Variants in GRID2 observed in about 807,000 individuals in gnomAD.
GRID2 encodes the protein glutamate ionotropic receptor delta type subunit 2, also known as glutamate receptor ionotropic, delta-2.
A neutral mutation model predicts 114.8 loss-of-function variants in GRID2; 33 were observed. That is an observed-to-expected ratio of 0.29 (90% confidence interval 0.22 to 0.38). The LOEUF is 0.38. Among genes scored for constraint, GRID2 ranks in the 10% least tolerant of loss-of-function variants. The probability of loss-of-function intolerance (pLI) is 1.00; values close to 1 mark genes in which losing one functional copy is unlikely to be tolerated. For missense variants in GRID2, 1,184 were observed against 1,257.7 expected, an observed-to-expected ratio of 0.94 and a Z score of 0.89; for synonymous variants, 505 against 449.9, an observed-to-expected ratio of 1.12 and a Z score of -1.55.
chr4:93,801,339 G>A (rs986097487), intron 1 of GRID2, among the ~76,000 whole-genome samples: 14 of 151,904 alleles, frequency 9.2e-5, no homozygotes, highest in African/African-American at 3.4e-4. Context: ...AAAGTTTTAA[G>A]GTGAATAAGT....
intron 2 of GRID2, among the ~76,000 whole-genome samples, chr4:92,698,164 A>G (rs1329699624): frequency 6.6e-6 from 1 of 152,106 alleles, no homozygotes; most frequent in Non-Finnish European, 1.5e-5. Flanking sequence ...GCTGCCTAAG[A>G]TCCTTGGCTT....
chr4:92,374,873 G>T (rs1729282492), intron 1 of GRID2, among the ~76,000 whole-genome samples: 1 of 152,054 alleles, frequency 6.6e-6, no homozygotes, highest in Non-Finnish European at 1.5e-5. Context: ...GATGAAACGT[G>T]GTAGGTTCAG....
In GRID2 at chr4:93,772,233, G is replaced by A; in HGVS notation, c.2759G>A (p.Ser920Asn). ...LPTRQALEQISDFRNTHITTT... is the reference protein window; with the variant it reads ...LPTRQALEQINDFRNTHITTT... Reference sequence around the variant, plus strand: ...ACACGACAAGCACTGGAGCAAATCAGTGATTTCAGGAACACTCATATTACC... The same window carrying A: ...ACACGACAAGCACTGGAGCAAATCAATGATTTCAGGAACACTCATATTACC... Residue 920 changes from serine to asparagine, a missense_variant, in exon 16 of 16, where the codon AGT (serine) becomes AAT (asparagine). By Grantham distance (46) the Ser-to-Asn change is conservative. This residue lies in a region of GRID2 where 717 missense variants were observed against 796.9 expected (regional missense o/e 0.90). Coordinates refer to ENST00000282020, the MANE Select transcript of GRID2 (RefSeq NM_001510.4). The A allele has an allele frequency of 6.2e-7, 1 of 1,614,092 alleles. No individual in the cohort carries two copies.
chr4:92,440,012 A>G lies in GRID2; in HGVS notation c.88+135268A>G, dbSNP rs981108900. On this transcript the variant is annotated intron_variant, in intron 1 of 15. Coordinates refer to ENST00000282020, the MANE Select transcript of GRID2 (RefSeq NM_001510.4). ...GCACAGTCTAAGTTGGTCTGGTGTC[A>G]AATGAGACTGGGGCCTAATAAAAAG... Among the ~76,000 whole-genome samples, 480 of 144,718 alleles carry G rather than the reference A, an allele frequency of 3.3e-3. 12 individuals carry two copies. Among genetic ancestry groups the G allele is most frequent in the African/African-American group, 0.011 (441 of 40,686 alleles). 94.9% of individuals were successfully genotyped at this position (144,718 alleles called of 152,430 possible). A position where few individuals can be genotyped will look rare whatever the true frequency, so the allele number is the denominator to read the frequency against.
At chr4:93,049,621 T>C (rs1470539462) in intron 2 of GRID2, among the ~76,000 whole-genome samples, 2 of 151,928 alleles carry the variant, frequency 1.3e-5, no homozygotes, top group Non-Finnish European at 2.9e-5. Context: ...TATTGCTATT[T>C]TAAGAAAACA....
chr4:93,417,014 A>G (rs1767782595), intron 9 of GRID2, among the ~76,000 whole-genome samples: 1 of 152,102 alleles, frequency 6.6e-6, no homozygotes, highest in Non-Finnish European at 1.5e-5. Flanking sequence ...ATTTGTTTTC[A>G]TTTAATAGGC....
intron 2 of GRID2, among the ~76,000 whole-genome samples, chr4:92,654,960 C>T (rs1732154655): frequency 1.3e-5 from 2 of 152,022 alleles, no homozygotes; most frequent in East Asian, 1.9e-4. Flanking sequence ...AAAATCTTTG[C>T]TTAGCCTGAT....
intron 1 of GRID2, among the ~76,000 whole-genome samples, chr4:92,319,357 A>G (rs995552103): frequency 2.6e-5 from 4 of 152,236 alleles, no homozygotes; most frequent in African/African-American, 4.8e-5. Flanking sequence ...CTTGCAGCCA[A>G]TTGAGCTTCA....
At chr4:93,734,272 A>C (rs1044074981) in intron 14 of GRID2, among the ~76,000 whole-genome samples, 2 of 152,132 alleles carry the variant, frequency 1.3e-5, no homozygotes, top group East Asian at 3.9e-4. Flanking sequence ...CATCATTCCT[A>C]ATTCTCACTC....
At chr4:92,475,319 C>T (rs2149099365) in intron 1 of GRID2, among the ~76,000 whole-genome samples, 1 of 151,368 alleles carries the variant, frequency 6.6e-6, no homozygotes, top group South Asian at 2.1e-4. Flanking sequence ...TACATTTAAT[C>T]TTTAATCCAT....
At chr4:92,586,717 T>C (rs561896536) in intron 1 of GRID2, among the ~76,000 whole-genome samples, 6 of 151,952 alleles carry the variant, frequency 3.9e-5, no homozygotes, top group Non-Finnish European at 8.8e-5. Context: ...TAGAACTTTG[T>C]CTAAATTTGG....
intron 13 of GRID2, among the ~76,000 whole-genome samples, chr4:93,524,293 T>C (rs1286478210): frequency 1.3e-5 from 2 of 152,088 alleles, no homozygotes; most frequent in East Asian, 3.9e-4. Context: ...TGCCAAATGA[T>C]TCCAACAAAT....
chr4:93,412,154 G>A (rs1259167393), intron 9 of GRID2, among the ~76,000 whole-genome samples: 3 of 151,392 alleles, frequency 2.0e-5, no homozygotes, highest in Admixed American at 2.0e-4. Flanking sequence ...TGTGGCTCAT[G>A]CCTATAACTC....
intron 1 of GRID2, among the ~76,000 whole-genome samples, chr4:93,803,388 A>G (rs1247451262): frequency 6.6e-6 from 1 of 152,200 alleles, no homozygotes; most frequent in East Asian, 1.9e-4. Context: ...ACCAATTCTG[A>G]ATGTTGCGAG....
rs556689719 is a variant in GRID2 at position 93,779,953 on chromosome 4, T to C, written c.221+10503T>C. Among the ~76,000 whole-genome samples, 20 of 152,350 alleles carry C rather than the reference T, an allele frequency of 1.3e-4. No homozygotes were observed. In the South Asian group the frequency reaches 4.1e-3, roughly 32 times the overall value. On this transcript the variant is annotated intron_variant, in intron 1 of 1. Transcript: ENST00000637838. ...CCTGTTTATTCACGTATTCAACATA[T>C]GTTTACCCAGGCCCTGCTGTGTGCA... is the stretch of plus-strand genomic sequence containing the variant.
chr4:93,422,822 T>C lies in GRID2; in HGVS notation c.1399T>C (p.Tyr467His). ...AAATGTCTTGGGTAAGCCGAAGAAA[T>C]ACCAGGGCTTCTCCATTGATGTTTT... ...SENVLGKPKKYQGFSIDVLDA... is the reference protein window; with the variant it reads ...SENVLGKPKKHQGFSIDVLDA... Residue 467 changes from tyrosine (Y) to histidine (H), a missense_variant, in exon 10 of 16, where the codon TAC becomes CAC. By Grantham distance (83) the Tyr-to-His change is moderately conservative. Transcript: ENST00000282020. The C allele has an allele frequency of 6.2e-7, 1 of 1,613,748 alleles. No homozygotes were observed. Among genetic ancestry groups the C allele is most frequent in the Non-Finnish European group, 8.5e-7 (1 of 1,179,662 alleles).
At chr4:92,918,093 A>G (rs138906489) in intron 2 of GRID2, among the ~76,000 whole-genome samples, 21,792 of 151,928 alleles carry the variant, frequency 0.14, 2,120 homozygotes, top group African/African-American at 0.27. Flanking sequence ...TTTCCTAGGT[A>G]TTTTATTCTC....
chr4:93,679,725 C>T (rs1212955359), intron 14 of GRID2, among the ~76,000 whole-genome samples: 1 of 150,876 alleles, frequency 6.6e-6, no homozygotes, highest in African/African-American at 2.5e-5. Context: ...TTCTTGGAAA[C>T]CAACGAGAAC....
intron 2 of GRID2, among the ~76,000 whole-genome samples, chr4:93,049,457 T>C (rs1726482619): frequency 1.3e-5 from 2 of 151,950 alleles, no homozygotes; most frequent in African/African-American, 4.8e-5. Context: ...AAATATTATT[T>C]CATTGATTTG....
Sources: allele counts gnomAD v4.1 joint callset (sites outside exome capture counted in the v4.1 genomes callset), GRCh38; gene constraint gnomAD v4.1.1; regional missense constraint gnomAD v4.1.1; transcripts MANE v1.5; gene names NCBI Gene and HGNC (gene_info 2026-07-23, HGNC 2026-07-21).